Variants in NLGN4X observed in about 807,000 individuals in gnomAD.
NLGN4X encodes the protein neuroligin-4, X-linked.
In NLGN4X, 3 loss-of-function variants were observed where a neutral mutation model predicts 40.3. That is an observed-to-expected ratio of 0.07 (90% CI 0.03 to 0.19). The LOEUF is 0.19. NLGN4X is among the 10% of genes least tolerant of loss of function. The probability of loss-of-function intolerance (pLI) is 1.00; values close to 1 mark genes in which losing one functional copy is unlikely to be tolerated. For synonymous variants in NLGN4X, 270 were observed against 306.8 expected (o/e 0.88, Z 1.25); for missense variants, 382 against 708.3 (o/e 0.54, Z 5.23).
intron 2 of NLGN4X, among the ~76,000 whole-genome samples, chrX:6,070,565 G>GAGA (rs2038034313): frequency 8.9e-6 from 1 of 111,947 alleles, no homozygotes; most frequent in African/African-American, 3.2e-5. Context: ...GCAACATAGT[G>GAGA]AGACCCCATC....
In NLGN4X at chrX:6,032,241, A is replaced by C. The variant is rs1168513104; in HGVS notation, c.473-2809T>G. On this transcript the variant is annotated intron_variant, in intron 2 of 5. Transcript: ENST00000381095. ...GATATTTCAGCCCCCCCCCCCCCAAAAAAAATTCTTCTAAGGTGCTGTACA... is the reference window on the plus strand; with the variant it reads ...GATATTTCAGCCCCCCCCCCCCCAACAAAAATTCTTCTAAGGTGCTGTACA... 9.1e-4 allele frequency among the ~76,000 whole-genome samples: 86 copies of C among 94,317 alleles called. 1 individual carries two copies. Among genetic ancestry groups the C allele is most frequent in the African/African-American group, 3.4e-3 (85 of 25,028 alleles). 81.9% of individuals were successfully genotyped at this position (94,317 alleles called of 115,157 possible). A position where few individuals can be genotyped will look rare whatever the true frequency, so the allele number is the denominator to read the frequency against.
chrX:6,024,516 G>A (rs1361048590), intron 3 of NLGN4X, among the ~76,000 whole-genome samples: 1 of 110,664 alleles, frequency 9.0e-6, no homozygotes, highest in African/African-American at 3.3e-5. Context: ...TTAGCCACAG[G>A]ATGAGACAGG....
intron 2 of NLGN4X, among the ~76,000 whole-genome samples, chrX:6,058,121 G>C (rs2037680201): frequency 9.0e-6 from 1 of 110,823 alleles, no homozygotes; most frequent in African/African-American, 3.3e-5. Flanking sequence ...GAGAAAAAAA[G>C]GCCTTTCAGT....
In NLGN4X at chrX:5,890,406, A is replaced by G. The variant is rs2031097908; in HGVS notation, c.*2411T>C. ...GATCATAATCCCCTGTAAAAGCTAA[A>G]GTTATTCACTTAACAGGAACTCTGT... On this transcript the variant is annotated 3_prime_UTR_variant, in exon 6 of 6. Coordinates refer to ENST00000381095, the MANE Select transcript of NLGN4X (RefSeq NM_181332.3). 2 of 244,002 alleles carry G rather than the reference A, an allele frequency of 8.2e-6. No individual in the cohort carries two copies. The highest frequency in any genetic ancestry group is 1.5e-5 in the Non-Finnish European group (2 of 134,777). 20.1% of individuals were successfully genotyped at this position (244,002 alleles called of 1,213,427 possible).
chrX:6,142,523 A>G (rs919536536), intron 2 of NLGN4X, among the ~76,000 whole-genome samples: 2 of 112,376 alleles, frequency 1.8e-5, no homozygotes, highest in Non-Finnish European at 3.8e-5. Context: ...ACAGATGAAA[A>G]CTGGAGTAAT....
chrX:6,006,443 T>G (rs1366548280), intron 3 of NLGN4X, among the ~76,000 whole-genome samples: 1 of 111,271 alleles, frequency 9.0e-6, no homozygotes, highest in Non-Finnish European at 1.9e-5. Flanking sequence ...TCCCAAATTT[T>G]ATTATAAACC....
At chrX:5,959,826 C>G (rs1009624571) in intron 3 of NLGN4X, among the ~76,000 whole-genome samples, 1 of 110,975 alleles carries the variant, frequency 9.0e-6, no homozygotes, top group South Asian at 3.8e-4. Flanking sequence ...CGTGGTGATG[C>G]TGTTTGTTTT....
chrX:5,986,292 T>C (rs916333622), intron 3 of NLGN4X, among the ~76,000 whole-genome samples: 4 of 112,144 alleles, frequency 3.6e-5, no homozygotes, highest in Non-Finnish European at 5.6e-5. Context: ...AATGTGATGA[T>C]TGGCACAGAG....
chrX:5,925,857 T>TATATATATATATATACATACACAC (rs1342494087), intron 3 of NLGN4X, among the ~76,000 whole-genome samples: 11 of 59,425 alleles, frequency 1.9e-4, no homozygotes, highest in Non-Finnish European at 2.9e-4. Context: ...TACACATATA[T>TATATATATATATATACATACACAC]ATATATATAT....
chrX:6,021,012 C>T (rs867082680), intron 3 of NLGN4X, among the ~76,000 whole-genome samples: 5 of 13,336 alleles, frequency 3.7e-4, no homozygotes, highest in African/African-American at 1.5e-3. Flanking sequence ...TTCTCTCTCT[C>T]TCTCTCTCTC....
intron 3 of NLGN4X, among the ~76,000 whole-genome samples, chrX:5,951,897 G>A (rs1361588457): frequency 8.9e-6 from 1 of 112,205 alleles, no homozygotes; most frequent in East Asian, 2.8e-4. Flanking sequence ...TATTGCCAGA[G>A]CAAGTAGTAT....
chrX:6,115,262 GAAACA>G (rs746184375), intron 2 of NLGN4X, among the ~76,000 whole-genome samples: 2 of 111,562 alleles, frequency 1.8e-5, no homozygotes, highest in South Asian at 3.8e-4. Flanking sequence ...TTAGGGACTG[GAAACA>G]AAACAAATTC....
At chrX:6,132,083 C>A (rs2039691995) in intron 2 of NLGN4X, among the ~76,000 whole-genome samples, 1 of 111,860 alleles carries the variant, frequency 8.9e-6, no homozygotes, top group Non-Finnish European at 1.9e-5. Flanking sequence ...AACCTGTCCC[C>A]TCCCCAAAGT....
At position 6,002,068 on chromosome X, in the gene NLGN4X, G is replaced by A. The variant is rs60302962; in HGVS notation, c.625+27212C>T. On this transcript the variant is annotated intron_variant, in intron 3 of 5. Transcript: ENST00000381095. ...GGAAACATGTGTAATGACTTCCTGT[G>A]GGGGGTGCATGGCAACATATTCAAG... Among the ~76,000 whole-genome samples the A allele has an allele frequency of 9.1e-3, 1,011 of 111,041 alleles. 11 individuals carry two copies. Among genetic ancestry groups the A allele is most frequent in the African/African-American group, 0.031 (959 of 30,521 alleles).
intron 2 of NLGN4X, among the ~76,000 whole-genome samples, chrX:6,067,806 G>A (rs1403804705): frequency 3.6e-5 from 4 of 111,378 alleles, no homozygotes; most frequent in African/African-American, 1.3e-4. Context: ...TTAAATAAAC[G>A]CTGCAATGAT....
chrX:6,225,689 C>CTTTTTTTT (rs749574818), intron 1 of NLGN4X, among the ~76,000 whole-genome samples: 400 of 26,839 alleles, frequency 0.015, 19 homozygotes, highest in East Asian at 0.021. Context: ...TTCTTTTTTT[C>CTTTTTTTT]TTTTTTTTTT....
chrX:5,907,960 G>C lies in NLGN4X; in HGVS notation c.811+1094C>G, dbSNP rs748448108. 8.0e-5 allele frequency among the ~76,000 whole-genome samples: 8 copies of C among 100,343 alleles called. No individual in the cohort carries two copies. The South Asian group carries it at 4.2e-3, about 53-fold the overall frequency. The allele number at this position is 100,343 out of a possible 115,157, so 87.1% of individuals were successfully genotyped here. ...AGAGAGAGAGGAAAGGAGATAGTGA[G>C]TAAGAGAGTGGGGAGACAGAGAAAA... On this transcript the variant is annotated intron_variant, in intron 4 of 5. Transcript: ENST00000381095.
chrX:6,131,553 CT>C (rs1329595415), intron 2 of NLGN4X, among the ~76,000 whole-genome samples: 7 of 112,456 alleles, frequency 6.2e-5, no homozygotes, highest in Non-Finnish European at 1.1e-4. Flanking sequence ...AACTGGCAGT[CT>C]CTGAGTCATT....
chrX:5,908,797 T>C (rs1211231638), intron 4 of NLGN4X, among the ~76,000 whole-genome samples: 1 of 111,726 alleles, frequency 9.0e-6, no homozygotes, highest in African/African-American at 3.3e-5. Flanking sequence ...GAGACTGAGA[T>C]GGGAGAAGCC....
Sources: gnomAD v4.1 joint callset for allele counts (sites outside exome capture counted in the v4.1 genomes callset) on GRCh38, gnomAD v4.1.1 for gene constraint, MANE v1.5 for transcripts, NCBI Gene and HGNC (gene_info 2026-07-23, HGNC 2026-07-21) for gene names.